Variants in PPP1R21 observed in about 807,000 individuals in gnomAD.
The protein encoded by PPP1R21 is KLRAQ motif containing 1.
PPP1R21 carries 85 observed loss-of-function variants against 112.8 expected under a neutral mutation model. That is an observed-to-expected ratio of 0.75 (90% CI 0.63 to 0.90). The LOEUF (loss-of-function observed/expected upper bound fraction) is 0.90. PPP1R21 is among the 40% of genes least tolerant of loss of function. The pLI, the probability that PPP1R21 is intolerant of heterozygous loss-of-function variation, is 0.00. For synonymous variants in PPP1R21, 381 were observed against 322.3 expected (o/e 1.18, Z -1.95); for missense variants, 1,199 against 901.5 (o/e 1.33, Z -4.23).
chr2:48,509,636 T>C (rs1262116591), intron 19 of PPP1R21, among the ~76,000 whole-genome samples: 1 of 151,328 alleles, frequency 6.6e-6, no homozygotes, highest in Admixed American at 6.6e-5. Context: ...ACCCGGGAGG[T>C]GGAGGTTGCA....
intron 14 of PPP1R21, among the ~76,000 whole-genome samples, chr2:48,488,233 C>G (rs1247479193): frequency 6.6e-6 from 1 of 152,176 alleles, no homozygotes; most frequent in African/African-American, 2.4e-5. Context: ...AGAGGACCAT[C>G]CCCACTGCCT....
intron 13 of PPP1R21, among the ~76,000 whole-genome samples, chr2:48,480,411 A>G (rs575043427): frequency 4.6e-5 from 7 of 152,336 alleles, no homozygotes; most frequent in African/African-American, 1.2e-4. Flanking sequence ...GAAGGAATAC[A>G]CTAACTTTCC....
chr2:48,511,780 A>C (rs1365833864), intron 21 of PPP1R21, among the ~76,000 whole-genome samples: 1 of 152,000 alleles, frequency 6.6e-6, no homozygotes, highest in African/African-American at 2.4e-5. Flanking sequence ...CTGAGGTGGG[A>C]AGATTGCTTG....
At chr2:48,468,999 A>G (rs1366094093) in intron 9 of PPP1R21, among the ~76,000 whole-genome samples, 1 of 152,044 alleles carries the variant, frequency 6.6e-6, no homozygotes, top group African/African-American at 2.4e-5. Context: ...AGGCCTCAGA[A>G]TCATCGCGGG....
intron 13 of PPP1R21, 42 bp from the exon 14 acceptor site, chr2:48,486,589 A>AT (rs1354927186): frequency 6.8e-7 from 1 of 1,469,628 alleles, no homozygotes; most frequent in Admixed American, 1.7e-5. Context: ...TATGTGACTT[A>AT]TATATAGATA....
chr2:48,502,337 T>C (rs1572893631), intron 17 of PPP1R21, among the ~76,000 whole-genome samples: 1 of 152,214 alleles, frequency 6.6e-6, no homozygotes, highest in East Asian at 1.9e-4. Context: ...GGTTAACTGC[T>C]AACAGCAGAT....
At chr2:48,502,110 A>G (rs530273878) in intron 17 of PPP1R21, 1 of 152,196 alleles carries the variant, frequency 6.6e-6, no homozygotes, top group Non-Finnish European at 1.5e-5. Context: ...GGAAAACGCT[A>G]TTCTTACATA....
chr2:48,514,615 C>A, intron 21 of PPP1R21, 100 bp from the exon 22 acceptor site: 1 of 868,152 alleles, frequency 1.2e-6, no homozygotes, highest in South Asian at 1.4e-5. Context: ...AGCTAGTGTT[C>A]CAAAGTGAAA....
intron 17 of PPP1R21, among the ~76,000 whole-genome samples, chr2:48,503,497 A>T (rs1326965319): frequency 6.6e-6 from 1 of 152,208 alleles, no homozygotes; most frequent in Non-Finnish European, 1.5e-5. Flanking sequence ...TGATTACCTC[A>T]GGATGTATTC....
Position 48,469,314 on chromosome 2 carries a change from C to A in PPP1R21, c.898-1773C>A, listed in dbSNP as rs1412029015. Among the ~76,000 whole-genome samples the A allele has an allele frequency of 3.2e-5, 4 of 125,572 alleles. 1 individual carries two copies. Among genetic ancestry groups the A allele is most frequent in the African/African-American group, 6.5e-5 (2 of 30,658 alleles). 82.4% of individuals were successfully genotyped at this position (125,572 alleles called of 152,430 possible). On this transcript the variant is annotated intron_variant, in intron 9 of 21. Transcript: ENST00000294952. ...GTGTGTGTATGTATATATATACACA[C>A]ACACACATATATATATAGAGCATAT...
At chr2:48,490,341 A>G (rs1317460860) in intron 14 of PPP1R21, among the ~76,000 whole-genome samples, 1 of 152,222 alleles carries the variant, frequency 6.6e-6, no homozygotes, top group Non-Finnish European at 1.5e-5. Flanking sequence ...GTTCAATGAA[A>G]AGACACATGT....
intron 11 of PPP1R21, 28 bp from the exon 12 acceptor site, chr2:48,474,655 C>T (rs749603525): frequency 1.9e-6 from 3 of 1,590,554 alleles, no homozygotes; most frequent in Non-Finnish European, 2.6e-6. Flanking sequence ...TTGGGATGCT[C>T]ACTTCTTAAA....
intron 1 of PPP1R21, among the ~76,000 whole-genome samples, chr2:48,446,604 A>C (rs1000382185): frequency 2.6e-5 from 4 of 152,222 alleles, no homozygotes; most frequent in South Asian, 2.1e-4. Context: ...TGATTAATCA[A>C]ATTAACTGAT....
Position 48,514,960 on chromosome 2 carries a change from A to G in PPP1R21, c.*216A>G. 1.8e-6 allele frequency: 1 copy of G among 548,710 alleles called. No individual in the cohort carries two copies. The highest frequency in any genetic ancestry group is 2.7e-5 in the South Asian group (1 of 36,444). 34.0% of individuals were successfully genotyped at this position (548,710 alleles called of 1,614,324 possible). On this transcript the variant is annotated 3_prime_UTR_variant, in exon 22 of 22. Transcript: ENST00000294952. The stretch of plus-strand genomic sequence containing the variant: ...AAGTTGATGTCGGCAGTAAATGGAA[A>G]ACAATACGTATGTCATGGATATTGT...
intron 13 of PPP1R21, among the ~76,000 whole-genome samples, chr2:48,485,905 TTG>T (rs1669267290): frequency 6.9e-6 from 1 of 145,140 alleles, no homozygotes; most frequent in African/African-American, 2.5e-5. Context: ...ATATATACAA[TTG>T]TATATACTAA....
In PPP1R21 at chr2:48,471,069, A is replaced by G; in HGVS notation, c.898-18A>G. The G allele has an allele frequency of 1.3e-6, 2 of 1,501,386 alleles. No homozygotes were observed. The highest frequency in any genetic ancestry group is 1.1e-5 in the South Asian group (1 of 88,380). 93.0% of individuals were successfully genotyped at this position (1,501,386 alleles called of 1,614,324 possible). On this transcript the variant is annotated intron_variant, in intron 9 of 21. Coordinates refer to ENST00000294952, the MANE Select transcript of PPP1R21 (RefSeq NM_001135629.3). ...ATTTTCCAGTGATTTAATTCACAAT[A>G]CTTTCCCTCCTGTTTAGTTCTCACA...
chr2:48,445,975 G>C (rs112349503), intron 1 of PPP1R21, among the ~76,000 whole-genome samples: 23 of 152,318 alleles, frequency 1.5e-4, no homozygotes, highest in African/African-American at 5.3e-4. Flanking sequence ...CATGACTTCA[G>C]TATTCTGAAG....
At chr2:48,511,732 A>T (rs1370390705) in intron 21 of PPP1R21, among the ~76,000 whole-genome samples, 1 of 151,472 alleles carries the variant, frequency 6.6e-6, no homozygotes, top group Non-Finnish European at 1.5e-5. Flanking sequence ...TAAGCCAAGC[A>T]TGAGGGCCTG....
chr2:48,457,020 C>A (rs1002378594), intron 3 of PPP1R21, among the ~76,000 whole-genome samples: 2 of 151,966 alleles, frequency 1.3e-5, no homozygotes, highest in Admixed American at 6.6e-5. Context: ...CCATTGCACT[C>A]CAGCCTGGGC....
Sources: gnomAD v4.1 joint callset for allele counts (sites outside exome capture counted in the v4.1 genomes callset) on GRCh38, gnomAD v4.1.1 for gene constraint, MANE v1.5 for transcripts, NCBI Gene and HGNC (gene_info 2026-07-23, HGNC 2026-07-21) for gene names.